GTF2A1: variants seen among roughly 807,000 people sequenced by gnomAD.
GTF2A1 encodes the protein transcription initiation factor IIA subunit 1.
Under a neutral mutation model 54.1 loss-of-function variants are expected in GTF2A1, and 12 were observed. That is an observed-to-expected ratio of 0.22 (90% confidence interval 0.14 to 0.36). The LOEUF (loss-of-function observed/expected upper bound fraction) is 0.36, where lower values mean the gene tolerates loss of function less well. GTF2A1 is among the 10% of genes least tolerant of loss of function. GTF2A1 has a pLI of 1.00. For missense variants in GTF2A1, 335 were observed against 442.2 expected (o/e 0.76, Z 2.17); for synonymous variants, 145 against 152.0 (o/e 0.95, Z 0.34).
In GTF2A1 at chr14:81,196,421, G is replaced by A. The variant is rs528829335; in HGVS notation, c.479-180C>T. ...TAATCCTCCCCTTCTCTGACTTCTC[G>A]CCATGTTCAAATACATTCCTTAAAA... On this transcript the variant is annotated intron_variant, in intron 5 of 8. Transcript: ENST00000553612. Among the ~76,000 whole-genome samples, 5 of 152,088 alleles carry A rather than the reference G, an allele frequency of 3.3e-5. No homozygotes were observed. In the South Asian group the frequency reaches 6.2e-4, roughly 19 times the overall value.
At chr14:81,187,692 ATTC>A (rs1308555897) in intron 7 of GTF2A1, among the ~76,000 whole-genome samples, 1 of 152,206 alleles carries the variant, frequency 6.6e-6, no homozygotes, top group Admixed American at 6.5e-5. Context: ...CGAATACTTC[ATTC>A]TTCTTATGGC....
chr14:81,216,482 G>A lies in GTF2A1; in HGVS notation c.63C>T (p.Val21=). ...GAAAGATGTCTCTCACATCATTAAT[G>A]ACATCTTCAATCACAGATCTGTATA... is the stretch of plus-strand genomic sequence containing the variant. ...PKLYRSVIED[V]INDVRDIFLD... Residue 21 remains valine, a synonymous_variant, in exon 2 of 9, where the codon GTC becomes GTT. Coordinates refer to ENST00000553612, the MANE Select transcript of GTF2A1 (RefSeq NM_015859.4). 2 of 1,534,394 alleles carry A rather than the reference G, an allele frequency of 1.3e-6. No individual in the cohort carries two copies. Among genetic ancestry groups the A allele is most frequent in the South Asian group, 2.2e-5 (2 of 89,206 alleles).
chr14:81,201,557 A>G, intron 4 of GTF2A1, 37 bp downstream of exon 4: 2 of 1,229,824 alleles, frequency 1.6e-6, no homozygotes, highest in Non-Finnish European at 2.4e-6. Context: ...GTTAGAATTA[A>G]GTACAGCCAA....
In GTF2A1 at chr14:81,210,888, C is replaced by T. The variant is rs573241128; in HGVS notation, c.132+5525G>A. Among the ~76,000 whole-genome samples the T allele has an allele frequency of 2.0e-5, 3 of 152,240 alleles. No individual in the cohort carries two copies. The East Asian group carries it at 5.8e-4, about 29-fold the overall frequency. On this transcript the variant is annotated intron_variant, in intron 2 of 8. Coordinates refer to ENST00000553612, the MANE Select transcript of GTF2A1 (RefSeq NM_015859.4). ...CCAGCCACTAACATAGTATTGAAAA[C>T]AATCAGGAATACTAATCTTTGCCAG...
chr14:81,219,896 A>T (rs1327719748), intron 1 of GTF2A1, among the ~76,000 whole-genome samples: 1 of 152,162 alleles, frequency 6.6e-6, no homozygotes, highest in Non-Finnish European at 1.5e-5. Flanking sequence ...TTCGGAAGGA[A>T]CTGAGATAAG....
rs149631110 is a variant in GTF2A1 at position 81,184,826 on chromosome 14, C to T, written c.1023+705G>A. Among the ~76,000 whole-genome samples the T allele has an allele frequency of 7.9e-5, 12 of 151,902 alleles. No homozygotes were observed. The South Asian group carries it at 1.2e-3, about 16-fold the overall frequency. The stretch of plus-strand genomic sequence containing the variant: ...ATCTCTACTAAAATTATAAATGCAA[C>T]GTAATATTTGCATGCATTATAAATT... On this transcript the variant is annotated intron_variant, in intron 8 of 8. Coordinates refer to ENST00000553612, the MANE Select transcript of GTF2A1 (RefSeq NM_015859.4).
intron 7 of GTF2A1, among the ~76,000 whole-genome samples, 192 bp from the exon 8 acceptor site, chr14:81,185,812 T>C (rs556995398): frequency 6.6e-6 from 1 of 152,348 alleles, no homozygotes; most frequent in East Asian, 1.9e-4. Flanking sequence ...TAAATATAAT[T>C]AAATTAGCTA....
In GTF2A1 at chr14:81,200,885, CA is replaced by C. The variant is rs36025974; in HGVS notation, c.402+708del. On this transcript the variant is annotated intron_variant, in intron 4 of 8. Transcript: ENST00000553612. ...TCTGACTATATTTTAATGTTTTATCCAAAAAAAAAAAAAAAACAAAAAACAA... is the reference window on the plus strand; with the variant it reads ...TCTGACTATATTTTAATGTTTTATCCAAAAAAAAAAAAAAACAAAAAACAA... Among the ~76,000 whole-genome samples the C allele has an allele frequency of 6.8e-3, 760 of 111,092 alleles. 1 individual carries two copies. The highest frequency in any genetic ancestry group is 8.8e-3 in the Non-Finnish European group (503 of 56,980). The allele number at this position is 111,092 out of a possible 152,430, so 72.9% of individuals were successfully genotyped here. A position where few individuals can be genotyped will look rare whatever the true frequency, so the allele number is the denominator to read the frequency against.
intron 8 of GTF2A1, among the ~76,000 whole-genome samples, chr14:81,183,052 ATTT>A (rs1892671969): frequency 6.6e-6 from 1 of 152,202 alleles, no homozygotes; most frequent in Non-Finnish European, 1.5e-5. Flanking sequence ...ACATATAAAT[ATTT>A]TATTATGTTT....
At chr14:81,202,598 G>T in intron 3 of GTF2A1, 1 of 498,422 alleles carries the variant, frequency 2.0e-6, no homozygotes, top group East Asian at 5.5e-5. Flanking sequence ...CTGAAAGCAG[G>T]GGACCACCAG....
intron 1 of GTF2A1, among the ~76,000 whole-genome samples, chr14:81,218,820 TCTGTCTCTTCC>T (rs1409483128): frequency 6.6e-6 from 1 of 150,602 alleles, no homozygotes; most frequent in Non-Finnish European, 1.5e-5. Flanking sequence ...TAGTTTGCAG[TCTGTCTCTTCC>T]CTCTACTCAC....
chr14:81,204,148 T>C, intron 2 of GTF2A1, 44 bp from the exon 3 acceptor site: 11 of 1,225,904 alleles, frequency 9.0e-6, no homozygotes, highest in Non-Finnish European at 1.3e-5. Flanking sequence ...AAAATAACTC[T>C]GGACAGATGA....
chr14:81,188,415 T>C (rs1381012595), intron 7 of GTF2A1, among the ~76,000 whole-genome samples: 3 of 151,542 alleles, frequency 2.0e-5, no homozygotes, highest in Non-Finnish European at 4.4e-5. Context: ...AAAACCACCT[T>C]TTTAATCTAC....
chr14:81,196,361 T>A (rs961506981), intron 5 of GTF2A1, 120 bp from the exon 6 acceptor site: 32 of 1,032,938 alleles, frequency 3.1e-5, no homozygotes, highest in Admixed American at 3.0e-4. Context: ...AAACTAACAA[T>A]TTTATTAAAG....
intron 2 of GTF2A1, among the ~76,000 whole-genome samples, chr14:81,209,348 C>G (rs997229757): frequency 4.6e-5 from 7 of 152,194 alleles, no homozygotes; most frequent in African/African-American, 1.4e-4. Flanking sequence ...TTTCACTTCC[C>G]ACTATGATTC....
At chr14:81,195,528 A>C (rs1449042963) in intron 6 of GTF2A1, among the ~76,000 whole-genome samples, 3 of 147,656 alleles carry the variant, frequency 2.0e-5, no homozygotes, top group Non-Finnish European at 4.5e-5. Context: ...GCTACTTGGG[A>C]GGCTGAGGCA....
rs112738299 is a variant in GTF2A1 at position 81,181,124 on chromosome 14, G to T, written c.1024-794C>A. Among the ~76,000 whole-genome samples, 277 of 152,266 alleles carry T rather than the reference G, an allele frequency of 1.8e-3. 3 individuals are homozygous for T. The highest frequency in any genetic ancestry group is 6.3e-3 in the African/African-American group (263 of 41,552). ...CACAGTTAAACAAAAAGAGCTGAAG[G>T]GCAGGCTCTGGGCACTCCCATCTTT... is the stretch of plus-strand genomic sequence containing the variant. On this transcript the variant is annotated intron_variant, in intron 8 of 8. Coordinates refer to ENST00000553612, the MANE Select transcript of GTF2A1 (RefSeq NM_015859.4).
At chr14:81,216,199 C>T (rs1893485204) in intron 2 of GTF2A1, among the ~76,000 whole-genome samples, 1 of 152,146 alleles carries the variant, frequency 6.6e-6, no homozygotes, top group Non-Finnish European at 1.5e-5. Flanking sequence ...AAGGTAAGTA[C>T]TACCAATTTC....
intron 1 of GTF2A1, 87 bp downstream of exon 1, chr14:81,220,402 G>A: frequency 2.3e-6 from 2 of 875,238 alleles, no homozygotes; most frequent in Non-Finnish European, 3.4e-6. Flanking sequence ...TCGAGGCCGG[G>A]AGTCGCCGCC....
Sources: gnomAD v4.1 joint callset for allele counts (sites outside exome capture counted in the v4.1 genomes callset) on GRCh38, gnomAD v4.1.1 for gene constraint, MANE v1.5 for transcripts, NCBI Gene and HGNC (gene_info 2026-07-23, HGNC 2026-07-21) for gene names.